FOXO3B: variants seen among roughly 807,000 people sequenced by gnomAD.
FOXO3B encodes the protein forkhead box O3B.
A neutral mutation model predicts 21.9 loss-of-function variants in FOXO3B; 15 were observed. The ratio of observed to expected loss-of-function variants is 0.68; its 90% CI spans 0.46 to 1.05. The LOEUF (loss-of-function observed/expected upper bound fraction) is 1.05. FOXO3B is among the 50% of genes least tolerant of loss of function. The pLI is 0.00. For synonymous variants in FOXO3B, 135 were observed against 213.6 expected (o/e 0.63, Z 3.21); for missense variants, 293 against 435.5 (o/e 0.67, Z 2.91).
rs2151734333 is a variant in FOXO3B at position 18,671,351 on chromosome 17, C to T, written c.*958G>A. 1.2e-6 allele frequency: 2 copies of T among 1,613,790 alleles called. No homozygotes were observed. The highest frequency in any genetic ancestry group is 1.7e-6 in the Non-Finnish European group (2 of 1,179,854). On this transcript the variant is annotated 3_prime_UTR_variant, in exon 4 of 4. Transcript: ENST00000395675. ...GCAAGTTCTGATTGACCACACTTCC[C>T]TGGTTAGGCTGGGCAGCAAAGGACA...
chr17:18,680,911 C>G, intron 2 of FOXO3B, 82 bp from the exon 3 acceptor site: 1 of 1,388,030 alleles, frequency 7.2e-7, no homozygotes. Context: ...CTTCAACATA[C>G]TATATGTGCT....
At chr17:18,674,589 G>A (rs997514436) in intron 3 of FOXO3B, among the ~76,000 whole-genome samples, 1 of 134,598 alleles carries the variant, frequency 7.4e-6, no homozygotes, top group Non-Finnish European at 1.5e-5. Context: ...TCGCACCACT[G>A]CACTCCAGCC....
At position 18,680,790 on chromosome 17, in the gene FOXO3B, C is replaced by G. The variant is rs2032569885; in HGVS notation, c.77G>C (p.Ser26Thr). Reference protein sequence around the residue: ...SQDSPHFQEKSTEEGEVAALR... With the variant: ...SQDSPHFQEKTTEEGEVAALR... The stretch of plus-strand genomic sequence containing the variant: ...AGCAGCCACTTCTCCCTCTTCTGTG[C>G]TCTTCTCTTGGAAATGGGGAGAATC... The change falls in exon 3 of 4, where the codon AGC becomes ACC. Residue 26 changes from serine (S) to threonine (T), a missense_variant. Transcript: ENST00000395675. 9 of 1,613,382 alleles carry G rather than the reference C, an allele frequency of 5.6e-6. No individual in the cohort carries two copies. Among genetic ancestry groups the G allele is most frequent in the Non-Finnish European group, 7.6e-6 (9 of 1,179,798 alleles).
At position 18,677,776 on chromosome 17, in the gene FOXO3B, T is replaced by C. The variant is rs2032519692; in HGVS notation, c.126+2965A>G. The C allele has an allele frequency of 2.8e-6, 4 of 1,454,142 alleles. No individual in the cohort carries two copies. The East Asian group carries it at 9.0e-5, about 33-fold the overall frequency. The allele number at this position is 1,454,142 out of a possible 1,614,324, so 90.1% of individuals were successfully genotyped here. ...CGGCTGTAGTGGGCTCTCTTCCTCC[T>C]TCCACCGTGACCCCAACCTCTCCTG... On this transcript the variant is annotated intron_variant, in intron 3 of 3. Transcript: ENST00000395675.
chr17:18,679,436 C>A (rs910834173), intron 3 of FOXO3B, among the ~76,000 whole-genome samples: 1 of 145,624 alleles, frequency 6.9e-6, no homozygotes, highest in Admixed American at 6.8e-5. Flanking sequence ...TGGAAAGCTC[C>A]TTTTTTCCTC....
rs958121062 is a variant in FOXO3B, at chr17:18,667,983, C to G, written c.*4326G>C. 6.6e-6 allele frequency: 1 copy of G among 152,254 alleles called. No homozygotes were observed. The highest frequency in any genetic ancestry group is 6.5e-5 in the Admixed American group (1 of 15,286). 9.4% of individuals were successfully genotyped at this position (152,254 alleles called of 1,614,324 possible). A position where few individuals can be genotyped will look rare whatever the true frequency, so the allele number is the denominator to read the frequency against. On this transcript the variant is annotated 3_prime_UTR_variant, in exon 4 of 4. Coordinates refer to ENST00000395675, the MANE Select transcript of FOXO3B (RefSeq NM_001368135.1). ...ATTATTGTTAGGGACCCGTGACACTCACTCAGAATGTGACATGGTGGCCAA... is the reference window on the plus strand; with the variant it reads ...ATTATTGTTAGGGACCCGTGACACTGACTCAGAATGTGACATGGTGGCCAA...
intron 3 of FOXO3B, 41 bp from the exon 4 acceptor site, chr17:18,673,096 C>T (rs1470464774): frequency 2.1e-6 from 3 of 1,454,748 alleles, no homozygotes; most frequent in Non-Finnish European, 2.7e-6. Context: ...AGTTGGTTAT[C>T]CCCGGCCGGA....
rs2032351009 is a variant in FOXO3B, at chr17:18,670,866, G to A, written c.*1443C>T. On this transcript the variant is annotated 3_prime_UTR_variant, in exon 4 of 4. Transcript: ENST00000395675. ...CTCTGTAGGTCTTGTGTCAGTTTGA[G>A]GGTCTGCTTTGCCCACTTCCCCTTC... The A allele has an allele frequency of 1.4e-5, 22 of 1,590,858 alleles. No homozygotes were observed. Among genetic ancestry groups the A allele is most frequent in the Non-Finnish European group, 1.8e-5 (21 of 1,167,542 alleles).
intron 3 of FOXO3B, among the ~76,000 whole-genome samples, chr17:18,679,254 C>T (rs991480968): frequency 2.0e-5 from 3 of 152,108 alleles, no homozygotes; most frequent in African/African-American, 7.2e-5. Flanking sequence ...ATAAAGTCTT[C>T]AAGACTAATG....
rs1321629591 is a variant in FOXO3B, at chr17:18,677,714, G to A, written c.126+3027C>T. Reference sequence around the variant, plus strand: ...CTGGCGAGCGCGATAAGAAGCTGGCGGCCAAGAAAAAGACGGACAAGAAGC... The same window carrying A: ...CTGGCGAGCGCGATAAGAAGCTGGCAGCCAAGAAAAAGACGGACAAGAAGC... On this transcript the variant is annotated intron_variant, in intron 3 of 3. Transcript: ENST00000395675. The A allele has an allele frequency of 1.0e-5, 16 of 1,597,862 alleles. 1 individual carries two copies. Among genetic ancestry groups the A allele is most frequent in the African/African-American group, 1.4e-5 (1 of 72,818 alleles).
rs1406680389 is a variant in FOXO3B, at chr17:18,672,013, G to T, written c.*296C>A. On this transcript the variant is annotated 3_prime_UTR_variant, in exon 4 of 4. Transcript: ENST00000395675. This position sits in a 1 kb window ranked among gnomAD's most constrained non-coding sequence, Gnocchi z 4.2. ...GGTGCGTGAACGGAAGTCCGTCCAC[G>T]CATCCAGCTCATCACTGCTGCGTGA... 1 of 1,611,560 alleles carries T rather than the reference G, an allele frequency of 6.2e-7. No homozygotes were observed. The highest frequency in any genetic ancestry group is 1.3e-5 in the African/African-American group (1 of 74,846).
Position 18,672,965 on chromosome 17 carries a change from T to C in FOXO3B, c.217A>G (p.Ser73Gly). 2 of 1,506,228 alleles carry C rather than the reference T, an allele frequency of 1.3e-6. No individual in the cohort carries two copies. The highest frequency in any genetic ancestry group is 8.8e-7 in the Non-Finnish European group (1 of 1,131,650). 93.3% of individuals were successfully genotyped at this position (1,506,228 alleles called of 1,614,324 possible). Residue 73 changes from serine to glycine, a missense_variant, in exon 4 of 4, where the codon AGC becomes GGC. Coordinates refer to ENST00000395675, the MANE Select transcript of FOXO3B (RefSeq NM_001368135.1). This position sits in a 1 kb window ranked among gnomAD's most constrained non-coding sequence, Gnocchi z 4.2. ...CCGGCCGCGGCTGGGGTTCTCGCGC[T>C]CTCCTCTCGCGCCGGGGCGGGGTGC... ...PLHPAPAREE[S>G]ARTPAAAGRA... is the part of the protein sequence containing the mutation.
At chr17:18,677,182 A>T (rs1413833662) in intron 3 of FOXO3B, 1 of 1,233,614 alleles carries the variant, frequency 8.1e-7, no homozygotes, top group African/African-American at 1.5e-5. Flanking sequence ...CAATGACTCT[A>T]GAAACCTCTT....
At chr17:18,673,375 G>C (rs2032416843) in intron 3 of FOXO3B, among the ~76,000 whole-genome samples, 1 of 152,114 alleles carries the variant, frequency 6.6e-6, no homozygotes, top group African/African-American at 2.4e-5. Flanking sequence ...GCCTCCCAAG[G>C]CACTGGGATT....
chr17:18,675,999 C>T (rs2032476755), intron 3 of FOXO3B, among the ~76,000 whole-genome samples: 1 of 152,160 alleles, frequency 6.6e-6, no homozygotes. Context: ...CCAATTTCTT[C>T]TCACTGACTT....
At chr17:18,675,234 G>A (rs1003724626) in intron 3 of FOXO3B, among the ~76,000 whole-genome samples, 1 of 150,802 alleles carries the variant, frequency 6.6e-6, no homozygotes. Context: ...TTGGATTAAT[G>A]AAACACATTT....
At chr17:18,677,530 G>A (rs1319354015) in intron 3 of FOXO3B, 8 of 1,610,776 alleles carry the variant, frequency 5.0e-6, no homozygotes, top group Admixed American at 1.7e-5. Flanking sequence ...TATGCGGCTC[G>A]GGCCCGTCTG....
chr17:18,672,120 C>G lies in FOXO3B; in HGVS notation c.*189G>C. 1 of 1,611,648 alleles carries G rather than the reference C, an allele frequency of 6.2e-7. No homozygotes were observed. On this transcript the variant is annotated 3_prime_UTR_variant, in exon 4 of 4. Transcript: ENST00000395675. This position sits in a 1 kb window ranked among gnomAD's most constrained non-coding sequence, Gnocchi z 4.2. ...GGGCTGTCTGCAGGGCTGCCTTCTT[C>G]TTGGCTGTGCGGCCACGGCTCTTGG...
chr17:18,672,381 C>A lies in FOXO3B; in HGVS notation c.801G>T (p.Gln267His). Residue 267 changes from glutamine to histidine, a missense_variant, in exon 4 of 4, where the codon CAG (glutamine) becomes CAT (histidine). Physicochemically the swap from Gln to His is conservative, Grantham distance 24 (BLOSUM62 0). Coordinates refer to ENST00000395675, the MANE Select transcript of FOXO3B (RefSeq NM_001368135.1). This position sits in a 1 kb window ranked among gnomAD's most constrained non-coding sequence, Gnocchi z 4.2. ...SSPDRRLTLS[Q>H]IYEWMVSCVP... ...CGCAACTCACCATCCACTCGTAGAT[C>A]TGGGACAGAGTGAGCCGTCTGTCCG... is the stretch of plus-strand genomic sequence containing the variant. The A allele has an allele frequency of 6.2e-7, 1 of 1,613,408 alleles. No homozygotes were observed. The highest frequency in any genetic ancestry group is 1.1e-5 in the South Asian group (1 of 91,030).
Sources: allele counts gnomAD v4.1 joint callset (sites outside exome capture counted in the v4.1 genomes callset), GRCh38; gene constraint gnomAD v4.1.1; non-coding constraint Gnocchi (gnomAD v3.1); transcripts MANE v1.5; gene names NCBI Gene and HGNC (gene_info 2026-07-23, HGNC 2026-07-21).